Variants in AHI1 observed in about 807,000 individuals in gnomAD.
The protein encoded by AHI1 is jouberin.
Under a neutral mutation model 149.3 loss-of-function variants are expected in AHI1, and 123 were observed. The ratio of observed to expected loss-of-function variants is 0.82; its 90% CI spans 0.71 to 0.96. The LOEUF (loss-of-function observed/expected upper bound fraction) is 0.96, where lower values mean the gene tolerates loss of function less well. AHI1 is among the 40% of genes least tolerant of loss of function. AHI1 has a pLI of 0.00. For missense variants in AHI1, 1,439 were observed against 1,422.7 expected, an observed-to-expected ratio of 1.01 and a Z score of -0.18; for synonymous variants, 475 against 459.8, an observed-to-expected ratio of 1.03 and a Z score of -0.42.
chr6:135,453,819 G>A (rs138013128), intron 10 of AHI1, among the ~76,000 whole-genome samples: 124 of 152,138 alleles, frequency 8.2e-4, no homozygotes, highest in African/African-American at 2.9e-3. Flanking sequence ...CTGGGTCTTT[G>A]TCTTGGATCA....
intron 3 of AHI1, chr6:135,492,515 G>C (rs760295966): frequency 2.2e-4 from 254 of 1,138,482 alleles, no homozygotes; most frequent in Middle Eastern, 7.4e-4. Context: ...TCTGAATAAA[G>C]TATTTATATA....
At chr6:135,456,538 T>C (rs1788978772) in intron 9 of AHI1, among the ~76,000 whole-genome samples, 1 of 146,998 alleles carries the variant, frequency 6.8e-6, no homozygotes. Context: ...CAGTGAGATA[T>C]TGTCTCAAAA....
At chr6:135,340,402 A>C (rs866692200) in intron 24 of AHI1, among the ~76,000 whole-genome samples, 12 of 151,584 alleles carry the variant, frequency 7.9e-5, no homozygotes, top group African/African-American at 1.2e-4. Context: ...AAACAAACAA[A>C]AAAAAAAGGA....
intron 22 of AHI1, among the ~76,000 whole-genome samples, chr6:135,398,760 C>T (rs908646460): frequency 6.6e-6 from 1 of 152,140 alleles, no homozygotes; most frequent in Non-Finnish European, 1.5e-5. Context: ...CTTCTCATTT[C>T]CAAACTTATG....
intron 27 of AHI1, 96 bp downstream of exon 27, chr6:135,300,404 T>C (rs893560418): frequency 8.0e-7 from 1 of 1,247,836 alleles, no homozygotes; most frequent in Non-Finnish European, 1.1e-6. Flanking sequence ...TAACTTATAG[T>C]TTGATAATGT....
At chr6:135,485,894 A>G (rs566184378) in intron 5 of AHI1, among the ~76,000 whole-genome samples, 30 of 152,202 alleles carry the variant, frequency 2.0e-4, no homozygotes, top group African/African-American at 7.0e-4. Context: ...GCATTTTGGG[A>G]GGCCAAGGCA....
intron 26 of AHI1, among the ~76,000 whole-genome samples, chr6:135,318,122 G>C (rs1786255190): frequency 6.6e-6 from 1 of 152,322 alleles, no homozygotes; most frequent in South Asian, 2.1e-4. Context: ...GAATGCTCCA[G>C]AAAGACAGAA....
rs897411273 is a variant in AHI1, at chr6:135,402,510, GAAC to G, written c.2988+2438_2988+2440del. 7.9e-5 allele frequency among the ~76,000 whole-genome samples: 12 copies of G among 152,156 alleles called. No homozygotes were observed. In the South Asian group the frequency reaches 2.3e-3, roughly 29 times the overall value. ...ATAAAAAGTAGTGCAGTTGACCCTT[GAAC>G]AACATGAGTTTGAACTGTGCAGGTC... On this transcript the variant is annotated intron_variant, in intron 22 of 28. Transcript: ENST00000265602.
chr6:135,290,535 GGAAA>G lies in AHI1; in HGVS notation c.3486-14_3486-11del. The G allele has an allele frequency of 1.2e-6, 2 of 1,613,406 alleles. No individual in the cohort carries two copies. The highest frequency in any genetic ancestry group is 1.7e-6 in the Non-Finnish European group (2 of 1,179,698). On this transcript the variant is annotated splice_polypyrimidine_tract_variant and intron_variant, in intron 27 of 28. Transcript: ENST00000265602. ...TTTTCTCATTTCAGAACTATAGGAG[GGAAA>G]GATCAGAAACAAGGAGCCAGTAAAA...
At chr6:135,451,176 T>C (rs989848746) in intron 11 of AHI1, among the ~76,000 whole-genome samples, 2 of 152,070 alleles carry the variant, frequency 1.3e-5, no homozygotes, top group Non-Finnish European at 2.9e-5. Flanking sequence ...TTTGTATTTT[T>C]AGTAGAGACA....
intron 23 of AHI1, among the ~76,000 whole-genome samples, chr6:135,370,624 T>C (rs143730925): frequency 9.1e-4 from 139 of 152,322 alleles, no homozygotes; most frequent in African/African-American, 3.2e-3. Flanking sequence ...CTTTATGCAG[T>C]AGGGTTCATT....
At chr6:135,394,608 T>G in intron 23 of AHI1, 168 bp downstream of exon 23, 1 of 941,776 alleles carries the variant, frequency 1.1e-6, no homozygotes, top group Non-Finnish European at 1.6e-6. Context: ...AAACTTACTT[T>G]TGAAATAACC....
At position 135,492,284 on chromosome 6, in the gene AHI1, TC is replaced by T; in HGVS notation, c.-48del. On this transcript the variant is annotated 5_prime_UTR_variant, in exon 4 of 29. Transcript: ENST00000265602. ...CTGAGAATGCAAAGCATTGACTCAA[TC>T]AGGATCCTATCGAAACAAAGGAGAT... is the stretch of plus-strand genomic sequence containing the variant. 1 of 1,523,372 alleles carries T rather than the reference TC, an allele frequency of 6.6e-7. No individual in the cohort carries two copies. Among genetic ancestry groups the T allele is most frequent in the Non-Finnish European group, 8.8e-7 (1 of 1,131,858 alleles). The allele number at this position is 1,523,372 out of a possible 1,614,324, so 94.4% of individuals were successfully genotyped here.
chr6:135,411,238 G>T, intron 21 of AHI1, 110 bp downstream of exon 21: 1 of 1,036,214 alleles, frequency 9.7e-7, no homozygotes, highest in South Asian at 1.6e-5. Flanking sequence ...GTATAGGAAG[G>T]TCTAATTTTA....
intron 11 of AHI1, among the ~76,000 whole-genome samples, chr6:135,452,971 T>A (rs560559600): frequency 6.6e-6 from 1 of 152,338 alleles, no homozygotes; most frequent in East Asian, 1.9e-4. Context: ...TCAATTGTTT[T>A]ATGTTTGTGT....
At chr6:135,467,669 C>T (rs375134103) in intron 5 of AHI1, 35 bp from the exon 6 acceptor site, 45 of 1,465,382 alleles carry the variant, frequency 3.1e-5, no homozygotes, top group African/African-American at 9.8e-5. Flanking sequence ...TTCAGCTAAG[C>T]GTAGATTAGT....
intron 24 of AHI1, among the ~76,000 whole-genome samples, chr6:135,335,939 C>G (rs958650917): frequency 1.3e-5 from 2 of 151,362 alleles, no homozygotes; most frequent in Non-Finnish European, 2.9e-5. Flanking sequence ...ATGGTGAAAC[C>G]CCATCTCTAC....
At chr6:135,364,099 G>T (rs1255305508) in intron 23 of AHI1, among the ~76,000 whole-genome samples, 2 of 151,688 alleles carry the variant, frequency 1.3e-5, no homozygotes, top group Non-Finnish European at 2.9e-5. Context: ...CCCGGACGAG[G>T]TGGCTGCCGG....
chr6:135,388,126 A>G lies in AHI1; in HGVS notation c.3109+6650T>C. 2.2e-6 allele frequency: 3 copies of G among 1,384,224 alleles called. No individual in the cohort carries two copies. In the East Asian group the frequency reaches 7.2e-5, roughly 33 times the overall value. The allele number at this position is 1,384,224 out of a possible 1,614,324, so 85.7% of individuals were successfully genotyped here. A position where few individuals can be genotyped will look rare whatever the true frequency, so the allele number is the denominator to read the frequency against. ...AAAAGACATTTAAGGGCATCTGCCT[A>G]TAGAAATCAGTTAATTTTGTAGATT... is the stretch of plus-strand genomic sequence containing the variant. On this transcript the variant is annotated intron_variant, in intron 23 of 28. Coordinates refer to ENST00000265602, the MANE Select transcript of AHI1 (RefSeq NM_001134831.2).
Sources: gnomAD v4.1 joint callset for allele counts (sites outside exome capture counted in the v4.1 genomes callset) on GRCh38, gnomAD v4.1.1 for gene constraint, MANE v1.5 for transcripts, NCBI Gene and HGNC (gene_info 2026-07-23, HGNC 2026-07-21) for gene names.